Variants in RNLS observed in about 807,000 individuals in gnomAD.
RNLS encodes the protein renalase, FAD dependent amine oxidase, also known as renalase.
RNLS carries 39 observed loss-of-function variants against 39.8 expected under a neutral mutation model. That is an observed-to-expected ratio of 0.98 (90% CI 0.76 to 1.28). The LOEUF (loss-of-function observed/expected upper bound fraction) is 1.28, where lower values mean the gene tolerates loss of function less well. Among genes scored for constraint, RNLS ranks in the 50% most tolerant of loss-of-function variants. The pLI is 0.00. For synonymous variants in RNLS, 147 were observed against 150.7 expected (o/e 0.98, Z 0.18); for missense variants, 410 against 413.3 (o/e 0.99, Z 0.07).
intron 4 of RNLS, among the ~76,000 whole-genome samples, chr10:88,383,180 C>T (rs1473161943): frequency 6.6e-6 from 1 of 152,010 alleles, no homozygotes; most frequent in African/African-American, 2.4e-5. Context: ...TATTCTACTT[C>T]TCTATCACAT....
chr10:88,189,601 A>G, the RNLS span, among the ~76,000 whole-genome samples: 50 of 152,352 alleles, frequency 3.3e-4, no homozygotes, highest in African/African-American at 1.1e-3. Flanking sequence ...GCCAGGGACT[A>G]CTACTGTTCT....
downstream of RNLS, chr10:88,273,767 A>G (rs1436915114): frequency 6.6e-6 from 1 of 152,198 alleles, no homozygotes; most frequent in Non-Finnish European, 1.5e-5. Context: ...TACTATGCGA[A>G]CAGGATGTGA....
chr10:88,452,584 C>T (rs1276238762), intron 4 of RNLS, among the ~76,000 whole-genome samples: 1 of 151,706 alleles, frequency 6.6e-6, no homozygotes, highest in Admixed American at 6.6e-5. Flanking sequence ...CCTAAGTGAC[C>T]CACAGCTGTT....
chr10:88,459,286 G>A (rs1313222252), intron 4 of RNLS, among the ~76,000 whole-genome samples: 1 of 151,952 alleles, frequency 6.6e-6, no homozygotes, highest in Admixed American at 6.6e-5. Flanking sequence ...GACTTTACAA[G>A]AGGCATGTTT....
rs1219419715 is a variant in RNLS, at chr10:88,314,633, C to T, written c.709G>A (p.Glu237Lys). 6.2e-7 allele frequency: 1 copy of T among 1,613,222 alleles called. No homozygotes were observed. The highest frequency in any genetic ancestry group is 8.5e-7 in the Non-Finnish European group (1 of 1,179,508). ...DNKKRNIESS[E>K]IGPSLVIHTT... The stretch of plus-strand genomic sequence containing the variant: ...TGAATCACGAGGGAAGGCCCAATTT[C>T]TGATGACTCTGTGGCATAAGAGGAT... Residue 237 changes from glutamate (E) to lysine (K), a missense_variant, in exon 6 of 7, where the codon GAA (glutamate) becomes AAA (lysine). Physicochemically the swap from Glu to Lys is moderately conservative, Grantham distance 56. Transcript: ENST00000331772.
At chr10:88,335,857 G>T (rs1179183911) in intron 5 of RNLS, among the ~76,000 whole-genome samples, 4 of 152,156 alleles carry the variant, frequency 2.6e-5, no homozygotes, top group African/African-American at 9.7e-5. Context: ...TTGTTATTCA[G>T]TGTTTTATTC....
At chr10:88,426,037 T>A (rs1224689278) in intron 4 of RNLS, among the ~76,000 whole-genome samples, 3 of 152,108 alleles carry the variant, frequency 2.0e-5, no homozygotes, top group Non-Finnish European at 4.4e-5. Context: ...ACTCTGTTGC[T>A]GGACAGAGGG....
intron 4 of RNLS, among the ~76,000 whole-genome samples, chr10:88,462,276 T>C (rs1564818880): frequency 6.6e-6 from 1 of 152,092 alleles, no homozygotes; most frequent in Non-Finnish European, 1.5e-5. Flanking sequence ...GATATTTTGA[T>C]ACAAGTATGC....
At chr10:88,258,072 C>T in the RNLS span, among the ~76,000 whole-genome samples, 1 of 152,140 alleles carries the variant, frequency 6.6e-6, no homozygotes, top group Non-Finnish European at 1.5e-5. Flanking sequence ...GTCCTTTGAC[C>T]TCTGTGGGTG....
intron 3 of RNLS, among the ~76,000 whole-genome samples, chr10:88,573,565 A>G (rs1009502305): frequency 5.9e-5 from 9 of 152,214 alleles, no homozygotes; most frequent in Non-Finnish European, 1.0e-4. Flanking sequence ...CCATTAAAGG[A>G]CCTGAAAAAG....
At chr10:88,362,446 T>C in intron 5 of RNLS, 106 bp downstream of exon 5, 1 of 1,027,516 alleles carries the variant, frequency 9.7e-7, no homozygotes, top group Non-Finnish European at 1.4e-6. Context: ...GGCTTGGAGT[T>C]AAATGCTTGC....
At chr10:88,444,948 A>C (rs889255390) in intron 4 of RNLS, among the ~76,000 whole-genome samples, 1 of 152,216 alleles carries the variant, frequency 6.6e-6, no homozygotes, top group African/African-American at 2.4e-5. Flanking sequence ...GCCAACATTC[A>C]AATTCAGGAA....
At chr10:88,554,767 G>GT (rs1462665677) in intron 4 of RNLS, among the ~76,000 whole-genome samples, 1 of 152,058 alleles carries the variant, frequency 6.6e-6, no homozygotes, top group Non-Finnish European at 1.5e-5. Flanking sequence ...CATGACTTCT[G>GT]TAACTGTTCA....
chr10:88,304,594 C>G (rs750803479), intron 6 of RNLS, among the ~76,000 whole-genome samples: 8 of 151,934 alleles, frequency 5.3e-5, no homozygotes, highest in African/African-American at 1.7e-4. Context: ...AGAATCTCGG[C>G]GCTTAAAGAC....
intron 4 of RNLS, among the ~76,000 whole-genome samples, chr10:88,378,288 A>G (rs929794077): frequency 6.6e-6 from 1 of 152,256 alleles, no homozygotes; most frequent in Admixed American, 6.5e-5. Flanking sequence ...ACAGTACCTC[A>G]AAAGGAAGGC....
intron 6 of RNLS, 118 bp from the exon 7 acceptor site, chr10:88,285,624 AC>A: frequency 1.2e-6 from 1 of 850,682 alleles, no homozygotes; most frequent in Non-Finnish European, 1.8e-6. Flanking sequence ...CACAAGAAGC[AC>A]CAAACAAACA....
chr10:88,495,547 A>T (rs1483677379), intron 4 of RNLS, among the ~76,000 whole-genome samples: 1 of 152,196 alleles, frequency 6.6e-6, no homozygotes, highest in East Asian at 1.9e-4. Context: ...AGTAATCTCC[A>T]TTTAAGTGAG....
intron 5 of RNLS, among the ~76,000 whole-genome samples, chr10:88,331,568 C>A (rs11202719): frequency 6.6e-6 from 1 of 151,982 alleles, no homozygotes; most frequent in African/African-American, 2.4e-5. Context: ...AAACGGTATA[C>A]TATTGATGTG....
chr10:88,347,255 C>T (rs373567665), intron 5 of RNLS, among the ~76,000 whole-genome samples: 34 of 152,124 alleles, frequency 2.2e-4, no homozygotes, highest in Non-Finnish European at 4.1e-4. Flanking sequence ...CCTGGGCTTA[C>T]GACCCAGAGT....
Sources: gnomAD v4.1 joint callset for allele counts (sites outside exome capture counted in the v4.1 genomes callset) on GRCh38, gnomAD v4.1.1 for gene constraint, MANE v1.5 for transcripts, NCBI Gene and HGNC (gene_info 2026-07-23, HGNC 2026-07-21) for gene names.